FRY: variants seen among roughly 807,000 people sequenced by gnomAD.
FRY encodes protein furry homolog.
A neutral mutation model predicts 348.4 loss-of-function variants in FRY; 128 were observed. The observed-to-expected ratio is 0.37, with a 90% CI of 0.32 to 0.43. The LOEUF is 0.43. Ranked by LOEUF, FRY falls within the 20% of genes least tolerant of loss-of-function variation. The pLI is 1.00. For missense variants in FRY, 2,736 were observed against 3,695.2 expected, an observed-to-expected ratio of 0.74 and a Z score of 6.73; for synonymous variants, 1,370 against 1,374.7, an observed-to-expected ratio of 1.00 and a Z score of 0.08.
chr13:32,090,943 A>C (rs913503169), intron 2 of FRY, among the ~76,000 whole-genome samples: 2 of 152,196 alleles, frequency 1.3e-5, no homozygotes, highest in African/African-American at 4.8e-5. Flanking sequence ...AAAAGTGCCA[A>C]CATATTCTTC....
chr13:32,135,310 G>A lies in FRY; in HGVS notation c.1077+127G>A, dbSNP rs1879640247. On this transcript the variant is annotated intron_variant, in intron 10 of 60. Transcript: ENST00000542859. The stretch of plus-strand genomic sequence containing the variant: ...AAAGTACCTAAAGCTCCCTCAAAAA[G>A]AGGCAGCATTTGAAACTGAAGCTGG... 5.8e-6 allele frequency: 4 copies of A among 690,772 alleles called. No individual in the cohort carries two copies. In the Admixed American group the frequency reaches 6.8e-5, roughly 12 times the overall value. 42.8% of individuals were successfully genotyped at this position (690,772 alleles called of 1,614,324 possible).
chr13:32,232,390 C>G (rs1294111654), intron 41 of FRY, among the ~76,000 whole-genome samples: 3 of 152,190 alleles, frequency 2.0e-5, no homozygotes, highest in Non-Finnish European at 4.4e-5. Flanking sequence ...CCTGTTTTCT[C>G]TATACATACA....
At chr13:32,122,591 G>A (rs985560929) in intron 4 of FRY, among the ~76,000 whole-genome samples, 3 of 152,088 alleles carry the variant, frequency 2.0e-5, no homozygotes, top group Admixed American at 2.0e-4. Context: ...TACTGAATGG[G>A]GAAAAGTTGA....
At chr13:32,155,272 C>T (rs1380122402) in intron 14 of FRY, among the ~76,000 whole-genome samples, 2 of 152,114 alleles carry the variant, frequency 1.3e-5, no homozygotes, top group Admixed American at 6.5e-5. Context: ...CCTCCACAGT[C>T]GGTGAAATCT....
chr13:32,072,647 C>T, intron 1 of FRY, among the ~76,000 whole-genome samples: 1 of 150,950 alleles, frequency 6.6e-6, no homozygotes, highest in African/African-American at 2.5e-5. Flanking sequence ...TTGCTCTATA[C>T]ACAGAGTGAC....
intron 2 of FRY, among the ~76,000 whole-genome samples, chr13:32,087,994 C>A (rs17077050): frequency 0.011 from 1,634 of 152,252 alleles, 31 homozygotes; most frequent in African/African-American, 0.037. Context: ...TGCCCATTTG[C>A]AAGTTGGTTG....
At chr13:32,139,210 A>G (rs1340290535) in intron 11 of FRY, among the ~76,000 whole-genome samples, 1 of 152,202 alleles carries the variant, frequency 6.6e-6, no homozygotes. Flanking sequence ...AATACCTGAG[A>G]AAAAACTAAC....
At chr13:32,196,479 T>C (rs542262775) in intron 29 of FRY, among the ~76,000 whole-genome samples, 18 of 152,340 alleles carry the variant, frequency 1.2e-4, no homozygotes, top group Non-Finnish European at 2.5e-4. Context: ...GCATAATTAA[T>C]GTATCAGTGT....
At chr13:32,213,693 C>A (rs1279966814) in intron 35 of FRY, among the ~76,000 whole-genome samples, 1 of 152,160 alleles carries the variant, frequency 6.6e-6, no homozygotes, top group Admixed American at 6.5e-5. Flanking sequence ...CATTCTTGAT[C>A]ATTTATTGTT....
chr13:32,145,576 C>A (rs1336703519), intron 11 of FRY, among the ~76,000 whole-genome samples: 1 of 127,972 alleles, frequency 7.8e-6, no homozygotes. Flanking sequence ...CTCGCTCTGT[C>A]GCCCAGGCCG....
intron 29 of FRY, 145 bp from the exon 30 acceptor site, chr13:32,201,796 G>C (rs1393184326): frequency 1.2e-5 from 8 of 650,234 alleles, no homozygotes; most frequent in Non-Finnish European, 1.9e-5. Flanking sequence ...GCAAAAGAAG[G>C]AAGCAAAAAA....
chr13:32,216,570 G>A (rs1195598573), intron 35 of FRY, among the ~76,000 whole-genome samples: 1 of 152,174 alleles, frequency 6.6e-6, no homozygotes, highest in Non-Finnish European at 1.5e-5. Flanking sequence ...AAGTGCTGTG[G>A]CGCTCTCCAC....
Position 32,210,953 on chromosome 13 carries a change from G to A in FRY, c.4510G>A (p.Val1504Met), listed in dbSNP as rs1472969045. 15 of 1,613,768 alleles carry A rather than the reference G, an allele frequency of 9.3e-6. No homozygotes were observed. Among genetic ancestry groups the A allele is most frequent in the East Asian group, 4.5e-5 (2 of 44,892 alleles). The change falls in exon 34 of 61, where the codon GTG becomes ATG. Residue 1504 changes from valine (V) to methionine (M), a missense_variant. This residue lies in a region of FRY where 794 missense variants were observed against 977.0 expected (regional missense o/e 0.81). Transcript: ENST00000542859. The stretch of plus-strand genomic sequence containing the variant: ...CTTTGAGCTGCAGCAGACAGAGCCC[G>A]TGAACCCCATCGTCCAGCATTGTGA... ...LLFELQQTEPVNPIVQHCDNP... is the reference protein window; with the variant it reads ...LLFELQQTEPMNPIVQHCDNP...
chr13:32,032,521 A>G (rs958934882), intron 1 of FRY, among the ~76,000 whole-genome samples: 1 of 152,208 alleles, frequency 6.6e-6, no homozygotes, highest in African/African-American at 2.4e-5. Flanking sequence ...TTTGAAACAT[A>G]AACAAGTGAG....
At chr13:32,273,585 C>G (rs1440268561) in intron 55 of FRY, among the ~76,000 whole-genome samples, 1 of 152,128 alleles carries the variant, frequency 6.6e-6, no homozygotes, top group African/African-American at 2.4e-5. Flanking sequence ...GTACATTAAG[C>G]TCTAAGACAG....
At chr13:32,034,341 A>C (rs1872397068) in intron 1 of FRY, among the ~76,000 whole-genome samples, 1 of 152,220 alleles carries the variant, frequency 6.6e-6, no homozygotes, top group African/African-American at 2.4e-5. Flanking sequence ...AAGAATTCAC[A>C]GGCCAATAAA....
At chr13:32,147,988 T>G in intron 13 of FRY, 41 bp downstream of exon 13, 1 of 1,121,512 alleles carries the variant, frequency 8.9e-7, no homozygotes, top group Non-Finnish European at 1.4e-6. Flanking sequence ...TTCTGATGGT[T>G]TTTCAGCAGC....
intron 1 of FRY, among the ~76,000 whole-genome samples, chr13:32,053,777 G>A (rs1873469736): frequency 1.3e-5 from 2 of 152,336 alleles, no homozygotes; most frequent in Middle Eastern, 3.4e-3. Flanking sequence ...ACATGAGCTA[G>A]ACTAGGTTGT....
In FRY at chr13:32,294,576, T is replaced by C. The variant is rs190041975; in HGVS notation, c.8783+6T>C. 765 of 1,608,654 alleles carry C rather than the reference T, an allele frequency of 4.8e-4. No homozygotes were observed. Among genetic ancestry groups the C allele is most frequent in the Admixed American group, 2.0e-3 (122 of 60,010 alleles). ...CGGCAGATCAGGGAGTGCAGGTGAC[T>C]CTGCTATTTCTTTTAGAGGTGGTTG... On this transcript the variant is annotated splice_donor_region_variant and intron_variant, in intron 60 of 60. Coordinates refer to ENST00000542859, the MANE Select transcript of FRY (RefSeq NM_023037.3).
Sources: gnomAD v4.1 joint callset for allele counts (sites outside exome capture counted in the v4.1 genomes callset) on GRCh38, gnomAD v4.1.1 for gene constraint, gnomAD v4.1.1 regional missense constraint, MANE v1.5 for transcripts, NCBI Gene and HGNC (gene_info 2026-07-23, HGNC 2026-07-21) for gene names.